Variants in ATP11B observed in about 807,000 individuals in gnomAD.
ATP11B encodes the protein ATPase phospholipid transporting 11B (putative), also known as phospholipid-transporting ATPase IF.
A neutral mutation model predicts 157.8 loss-of-function variants in ATP11B; 81 were observed. That is an observed-to-expected ratio of 0.51 (90% CI 0.43 to 0.62). The LOEUF is 0.62. Ranked by LOEUF, ATP11B falls within the 20% of genes least tolerant of loss-of-function variation. The pLI, the probability that ATP11B is intolerant of heterozygous loss-of-function variation, is 0.00. For missense variants in ATP11B, 1,165 were observed against 1,402.2 expected, an observed-to-expected ratio of 0.83 and a Z score of 2.70; for synonymous variants, 451 against 469.4, an observed-to-expected ratio of 0.96 and a Z score of 0.51.
intron 1 of ATP11B, among the ~76,000 whole-genome samples, chr3:182,796,564 A>C (rs975072856): frequency 2.0e-5 from 3 of 152,226 alleles, no homozygotes; most frequent in Non-Finnish European, 4.4e-5. Flanking sequence ...AGAAAATTCT[A>C]TTGGACAGCA....
At chr3:182,840,665 C>T (rs932133768) in intron 7 of ATP11B, among the ~76,000 whole-genome samples, 1 of 152,134 alleles carries the variant, frequency 6.6e-6, no homozygotes. Flanking sequence ...TGGAATCAGC[C>T]GTGACTCCTC....
At chr3:182,914,597 G>A in intron 29 of ATP11B, 1 of 985,148 alleles carries the variant, frequency 1.0e-6, no homozygotes. Flanking sequence ...AAAAGTGTAT[G>A]AGTTAGAACA....
intron 28 of ATP11B, among the ~76,000 whole-genome samples, chr3:182,910,071 C>CA (rs1281546191): frequency 0.02 from 1,445 of 71,134 alleles, 34 homozygotes; most frequent in African/African-American, 0.047. Flanking sequence ...ACTCGGCCTC[C>CA]AGAAAAAAAA....
intron 17 of ATP11B, 87 bp downstream of exon 17, chr3:182,869,418 ATTGTGGACATTCTGCAG>A: frequency 1.1e-6 from 1 of 917,176 alleles, no homozygotes; most frequent in Non-Finnish European, 1.6e-6. Context: ...TTTATCAAAA[ATTGTGGACATTCTGCAG>A]TTGTGTTACA....
intron 25 of ATP11B, among the ~76,000 whole-genome samples, chr3:182,893,189 A>T (rs1161885178): frequency 6.6e-6 from 1 of 152,228 alleles, no homozygotes; most frequent in African/African-American, 2.4e-5. Flanking sequence ...TTTAAAGTTA[A>T]AAATAAGCTT....
rs9820794 is a variant in ATP11B at position 182,916,039 on chromosome 3, T to G, written c.3453-1984T>G. ...AGGTCTTTTCAGACCTGTTCATTCT[T>G]TTCTAGGGGATAAAGTCATATAATA... On this transcript the variant is annotated intron_variant, in intron 29 of 29. Coordinates refer to ENST00000323116, the MANE Select transcript of ATP11B (RefSeq NM_014616.3). 7,118 of 985,216 alleles carry G rather than the reference T, an allele frequency of 7.2e-3. 352 individuals carry two copies. In the African/African-American group the frequency reaches 0.11, roughly 15 times the overall value. 61.0% of individuals were successfully genotyped at this position (985,216 alleles called of 1,614,324 possible). A position where few individuals can be genotyped will look rare whatever the true frequency, so the allele number is the denominator to read the frequency against.
At chr3:182,825,713 A>G in intron 2 of ATP11B, among the ~76,000 whole-genome samples, 1 of 125,564 alleles carries the variant, frequency 8.0e-6, no homozygotes, top group African/African-American at 3.2e-5. Flanking sequence ...ACTGAGTGAG[A>G]CTCTGTCTCA....
intron 2 of ATP11B, among the ~76,000 whole-genome samples, chr3:182,826,639 C>T (rs908050678): frequency 6.6e-6 from 1 of 152,164 alleles, no homozygotes; most frequent in Non-Finnish European, 1.5e-5. Context: ...CCACTGCTGC[C>T]GCCACTACTC....
chr3:182,814,115 T>A (rs767422211), intron 1 of ATP11B, among the ~76,000 whole-genome samples: 11 of 152,152 alleles, frequency 7.2e-5, no homozygotes, highest in Non-Finnish European at 1.3e-4. Flanking sequence ...CAGGCTGAAG[T>A]ACAATGGTGC....
chr3:182,865,004 G>T (rs1577044348), intron 12 of ATP11B, among the ~76,000 whole-genome samples: 1 of 151,990 alleles, frequency 6.6e-6, no homozygotes, highest in East Asian at 1.9e-4. Context: ...CTAACTTCTT[G>T]TGTTGCTGTC....
chr3:182,879,858 A>G (rs372587453), intron 20 of ATP11B, among the ~76,000 whole-genome samples: 1 of 152,242 alleles, frequency 6.6e-6, no homozygotes, highest in African/African-American at 2.4e-5. Context: ...AGTGACCCAG[A>G]AAACCTGTGA....
At chr3:182,837,629 C>T (rs748131381) in intron 7 of ATP11B, among the ~76,000 whole-genome samples, 14 of 152,014 alleles carry the variant, frequency 9.2e-5, no homozygotes, top group South Asian at 4.1e-4. Context: ...TTTACTTACA[C>T]GCACATAATA....
rs1184741279 is a variant in ATP11B at position 182,908,198 on chromosome 3, T to G, written c.3319-5663T>G. ...TATAATTCTCATATTATTATTTTCTTTTTTTTTTTTTTTTTTTTTTTTTGA... is the reference window on the plus strand; with the variant it reads ...TATAATTCTCATATTATTATTTTCTGTTTTTTTTTTTTTTTTTTTTTTTGA... On this transcript the variant is annotated intron_variant, in intron 28 of 29. Transcript: ENST00000323116. 8.9e-5 allele frequency among the ~76,000 whole-genome samples: 7 copies of G among 78,306 alleles called. No individual in the cohort carries two copies. The Admixed American group carries it at 9.7e-4, about 11-fold the overall frequency. The allele number at this position is 78,306 out of a possible 152,430, so 51.4% of individuals were successfully genotyped here. A position where few individuals can be genotyped will look rare whatever the true frequency, so the allele number is the denominator to read the frequency against.
chr3:182,879,430 C>T (rs1560108317), intron 19 of ATP11B, 66 bp from the exon 20 acceptor site: 1 of 1,378,854 alleles, frequency 7.3e-7, no homozygotes. Context: ...ATGTGTTGTT[C>T]TATATGAGTG....
intron 25 of ATP11B, among the ~76,000 whole-genome samples, chr3:182,891,282 G>GT (rs1723158098): frequency 6.6e-6 from 1 of 152,196 alleles, no homozygotes; most frequent in African/African-American, 2.4e-5. Context: ...TAAAGATCTT[G>GT]TATTGCTAGT....
chr3:182,868,686 G>T (rs553367798), intron 15 of ATP11B, among the ~76,000 whole-genome samples: 6 of 152,124 alleles, frequency 3.9e-5, no homozygotes, highest in Non-Finnish European at 7.4e-5. Context: ...ACCTTTTTTA[G>T]TCAGAAAAAC....
chr3:182,862,710 G>T (rs1265175651), intron 12 of ATP11B, among the ~76,000 whole-genome samples: 1 of 151,984 alleles, frequency 6.6e-6, no homozygotes, highest in Admixed American at 6.6e-5. Flanking sequence ...CAGATTCTAA[G>T]TTCTGGTACA....
Position 182,905,687 on chromosome 3 carries a change from T to C in ATP11B, c.3318+6915T>C, listed in dbSNP as rs116281400. The C allele has an allele frequency of 1.7e-3, 759 of 438,234 alleles. 8 individuals carry two copies. The highest frequency in any genetic ancestry group is 0.014 in the African/African-American group (705 of 49,850). 27.1% of individuals were successfully genotyped at this position (438,234 alleles called of 1,614,324 possible). The stretch of plus-strand genomic sequence containing the variant: ...AATGTACTGTTCTTTGAACATTCTT[T>C]TGTGCCTCAGATTGTGAATGCCAAC... On this transcript the variant is annotated intron_variant, in intron 28 of 29. Coordinates refer to ENST00000323116, the MANE Select transcript of ATP11B (RefSeq NM_014616.3).
At chr3:182,847,616 A>G (rs1449909482) in intron 9 of ATP11B, among the ~76,000 whole-genome samples, 2 of 152,254 alleles carry the variant, frequency 1.3e-5, no homozygotes, top group African/African-American at 4.8e-5. Context: ...GGAAGAGGGC[A>G]TGAAAGGTTC....
Sources: allele counts gnomAD v4.1 joint callset (sites outside exome capture counted in the v4.1 genomes callset), GRCh38; gene constraint gnomAD v4.1.1; transcripts MANE v1.5; gene names NCBI Gene and HGNC (gene_info 2026-07-23, HGNC 2026-07-21).